DPY19L3: variants seen among roughly 807,000 people sequenced by gnomAD.
DPY19L3 encodes dpy-19 like C-mannosyltransferase 3.
A neutral mutation model predicts 92.3 loss-of-function variants in DPY19L3; 51 were observed. The observed-to-expected ratio is 0.55, with a 90% CI of 0.44 to 0.70. The LOEUF (loss-of-function observed/expected upper bound fraction) is 0.70. Ranked by LOEUF, DPY19L3 falls within the 30% of genes least tolerant of loss-of-function variation. The pLI is 0.00. For synonymous variants in DPY19L3, 309 were observed against 315.2 expected, an observed-to-expected ratio of 0.98 and a Z score of 0.21; for missense variants, 706 against 855.9, an observed-to-expected ratio of 0.82 and a Z score of 2.18.
intron 15 of DPY19L3, among the ~76,000 whole-genome samples, chr19:32,466,139 T>A (rs553484098): frequency 1.3e-5 from 2 of 152,376 alleles, no homozygotes; most frequent in South Asian, 4.1e-4. Context: ...TTACTGATTT[T>A]TTTAAGCTAT....
intron 8 of DPY19L3, among the ~76,000 whole-genome samples, chr19:32,440,835 A>G (rs1042729013): frequency 2.0e-5 from 3 of 152,212 alleles, no homozygotes; most frequent in African/African-American, 7.2e-5. Flanking sequence ...TAAAAGAAGA[A>G]AAGTTATTTT....
At chr19:32,437,630 G>T (rs78979906) in intron 6 of DPY19L3, among the ~76,000 whole-genome samples, 4 of 151,944 alleles carry the variant, frequency 2.6e-5, no homozygotes, top group Non-Finnish European at 5.9e-5. Flanking sequence ...TTCTCCAGCC[G>T]CATATCTCAT....
chr19:32,464,080 A>C (rs1970127207), intron 14 of DPY19L3, 100 bp downstream of exon 14: 1 of 583,832 alleles, frequency 1.7e-6, no homozygotes, highest in Non-Finnish European at 3.0e-6. Context: ...TAAAATGGAT[A>C]CTGAAATTGA....
At chr19:32,480,683 C>T (rs1428708820) in intron 18 of DPY19L3, 126 bp downstream of exon 18, 4 of 1,282,260 alleles carry the variant, frequency 3.1e-6, no homozygotes, top group South Asian at 3.1e-5. Context: ...CAAGTATTTG[C>T]TTTTTCTCTT....
chr19:32,458,564 G>C, intron 12 of DPY19L3, 55 bp downstream of exon 12: 1 of 1,546,596 alleles, frequency 6.5e-7, no homozygotes, highest in South Asian at 1.2e-5. Context: ...GTTCCATGTT[G>C]CAGAAAAATT....
In DPY19L3 at chr19:32,411,229, T is replaced by A; in HGVS notation, c.104-10T>A. On this transcript the variant is annotated splice_polypyrimidine_tract_variant and intron_variant, in intron 2 of 18. Transcript: ENST00000392250. ...GACTTAGTTATTTATCTGTTCCATT[T>A]TTCCAAAAGGTTGTACCAGTAGAAG... The A allele has an allele frequency of 6.2e-7, 1 of 1,601,468 alleles. No homozygotes were observed. The highest frequency in any genetic ancestry group is 8.5e-7 in the Non-Finnish European group (1 of 1,176,966).
chr19:32,419,849 TCCC>T (rs1334158955), intron 3 of DPY19L3, among the ~76,000 whole-genome samples: 5 of 143,220 alleles, frequency 3.5e-5, no homozygotes, highest in Admixed American at 2.1e-4. Context: ...TAAAAGGCAC[TCCC>T]CCATTTTTTT....
intron 4 of DPY19L3, among the ~76,000 whole-genome samples, 154 bp from the exon 5 acceptor site, chr19:32,436,292 C>T (rs1969136245): frequency 6.6e-6 from 1 of 152,156 alleles, no homozygotes; most frequent in Non-Finnish European, 1.5e-5. Context: ...GTGGTAAGCT[C>T]TTTGAGGGCA....
chr19:32,436,469 A>G lies in DPY19L3; in HGVS notation c.352A>G (p.Asn118Asp), dbSNP rs768481265. The G allele has an allele frequency of 6.5e-7, 1 of 1,548,008 alleles. No individual in the cohort carries two copies. The highest frequency in any genetic ancestry group is 8.8e-7 in the Non-Finnish European group (1 of 1,132,466). ...AGGTTTTCATGGCCTAATATATGATAATAAAACTGAATCTATGAAGACAAT... is the reference window on the plus strand; with the variant it reads ...AGGTTTTCATGGCCTAATATATGATGATAAAACTGAATCTATGAAGACAAT... Reference protein sequence around the residue: ...VQGFHGLIYDNKTESMKTINL... With the variant: ...VQGFHGLIYDDKTESMKTINL... Residue 118 changes from asparagine (N) to aspartate (D), a missense_variant, in exon 5 of 19, where the codon AAT becomes GAT. Physicochemically the swap from Asn to Asp is conservative, Grantham distance 23. Transcript: ENST00000392250.
At chr19:32,440,044 G>C in intron 8 of DPY19L3, 134 bp downstream of exon 8, 1 of 1,172,630 alleles carries the variant, frequency 8.5e-7, no homozygotes, top group African/African-American at 1.6e-5. Flanking sequence ...AATTTGCTGT[G>C]GCCAATTGAA....
At chr19:32,471,875 G>T (rs550898596) in intron 16 of DPY19L3, among the ~76,000 whole-genome samples, 1 of 152,316 alleles carries the variant, frequency 6.6e-6, no homozygotes, top group African/African-American at 2.4e-5. Flanking sequence ...TTCCTGTGAA[G>T]ACTCTTAAAG....
At chr19:32,464,004 C>T (rs1276601153) in intron 14 of DPY19L3, 24 bp downstream of exon 14, 2 of 1,524,404 alleles carry the variant, frequency 1.3e-6, no homozygotes, top group Non-Finnish European at 1.8e-6. Context: ...CTTTTTCCAT[C>T]TCCTTTTATG....
chr19:32,458,044 C>T, intron 10 of DPY19L3, 56 bp from the exon 11 acceptor site: 4 of 1,348,850 alleles, frequency 3.0e-6, no homozygotes, highest in Non-Finnish European at 4.2e-6. Flanking sequence ...GGGAAGTTAT[C>T]AGGAAACCGT....
chr19:32,480,507 C>A lies in DPY19L3; in HGVS notation c.1939C>A (p.His647Asn). 1 of 1,614,214 alleles carries A rather than the reference C, an allele frequency of 6.2e-7. No homozygotes were observed. The highest frequency in any genetic ancestry group is 8.5e-7 in the Non-Finnish European group (1 of 1,180,022). Reference protein sequence around the residue: ...LEDSICYERRHRRGCRLRDLL... With the variant: ...LEDSICYERRNRRGCRLRDLL... ...AGACAGCATCTGCTACGAGCGGAGG[C>A]ACCGCCGGGGCTGCCGACTCCGGGA... The change falls in exon 18 of 19, where the codon CAC becomes AAC. Residue 647 changes from histidine to asparagine, a missense_variant. By Grantham distance (68) the His-to-Asn change is moderately conservative (BLOSUM62 1). Coordinates refer to ENST00000392250, the MANE Select transcript of DPY19L3 (RefSeq NM_001172774.2).
At chr19:32,426,175 A>C (rs1378228312) in intron 3 of DPY19L3, among the ~76,000 whole-genome samples, 1 of 152,222 alleles carries the variant, frequency 6.6e-6, no homozygotes, top group South Asian at 2.1e-4. Flanking sequence ...AACCTCTGCT[A>C]GCTTCCAGCT....
chr19:32,433,978 G>A (rs1204760961), intron 4 of DPY19L3, among the ~76,000 whole-genome samples: 1 of 152,132 alleles, frequency 6.6e-6, no homozygotes, highest in Non-Finnish European at 1.5e-5. Flanking sequence ...TTATTTATTA[G>A]TTGGAACTAT....
At chr19:32,426,254 G>A (rs1968759838) in intron 3 of DPY19L3, among the ~76,000 whole-genome samples, 1 of 152,178 alleles carries the variant, frequency 6.6e-6, no homozygotes, top group South Asian at 2.1e-4. Context: ...TCTGGATTAG[G>A]CGTTGGCTTA....
At chr19:32,451,541 C>T (rs931710627) in intron 8 of DPY19L3, among the ~76,000 whole-genome samples, 3 of 152,110 alleles carry the variant, frequency 2.0e-5, no homozygotes, top group African/African-American at 7.2e-5. Flanking sequence ...GTTTGTTTCC[C>T]TTGAGGTTAA....
intron 1 of DPY19L3, 133 bp from the exon 2 acceptor site, chr19:32,408,084 G>T (rs934379261): frequency 1.7e-6 from 1 of 596,052 alleles, no homozygotes; most frequent in Non-Finnish European, 3.0e-6. Context: ...CCCTGTCTTG[G>T]GGGGAAGAAA....
Sources: allele counts gnomAD v4.1 joint callset (sites outside exome capture counted in the v4.1 genomes callset), GRCh38; gene constraint gnomAD v4.1.1; transcripts MANE v1.5; gene names NCBI Gene and HGNC (gene_info 2026-07-23, HGNC 2026-07-21).